DTWD2: variants seen among roughly 807,000 people sequenced by gnomAD.
DTWD2 encodes the protein tRNA-uridine aminocarboxypropyltransferase 2.
In DTWD2, 39 loss-of-function variants were observed where a neutral mutation model predicts 31.8. The ratio of observed to expected loss-of-function variants is 1.22; its 90% CI spans 0.95 to 1.60. DTWD2 has a LOEUF of 1.60. Ranked by LOEUF, DTWD2 falls within the 40% of genes most tolerant of loss-of-function variation. The probability of loss-of-function intolerance (pLI) is 0.00; values close to 1 mark genes in which losing one functional copy is unlikely to be tolerated. For missense variants in DTWD2, 515 were observed against 381.5 expected (o/e 1.35, Z -2.92); for synonymous variants, 180 against 142.8 (o/e 1.26, Z -1.86).
intron 4 of DTWD2, among the ~76,000 whole-genome samples, chr5:118,869,053 A>G (rs1277756507): frequency 6.6e-6 from 1 of 152,176 alleles, no homozygotes; most frequent in East Asian, 1.9e-4. Context: ...GAGCACAAAA[A>G]AAAGGAAAGT....
chr5:118,855,623 G>A (rs1366083336), intron 4 of DTWD2, among the ~76,000 whole-genome samples: 2 of 152,128 alleles, frequency 1.3e-5, no homozygotes, highest in African/African-American at 4.8e-5. Context: ...TGATTGGCAA[G>A]AATATCTTTA....
At chr5:118,855,983 C>A (rs1374683773) in intron 4 of DTWD2, among the ~76,000 whole-genome samples, 1 of 152,000 alleles carries the variant, frequency 6.6e-6, no homozygotes, top group African/African-American at 2.4e-5. Context: ...AACTGACATC[C>A]TTGAATCTTC....
chr5:118,903,951 A>C (rs530056499), intron 4 of DTWD2, among the ~76,000 whole-genome samples: 1 of 152,184 alleles, frequency 6.6e-6, no homozygotes, highest in Admixed American at 6.5e-5. Flanking sequence ...TGTCAAAAGG[A>C]TAGAGGATCT....
chr5:118,885,126 T>C (rs1317363439), intron 4 of DTWD2, among the ~76,000 whole-genome samples: 2 of 141,508 alleles, frequency 1.4e-5, no homozygotes, highest in Non-Finnish European at 1.5e-5. Context: ...CTCGGCAACA[T>C]AGGGAGATGA....
chr5:118,965,413 G>A (rs561801328), intron 1 of DTWD2, among the ~76,000 whole-genome samples: 9 of 152,240 alleles, frequency 5.9e-5, no homozygotes, highest in East Asian at 3.9e-4. Flanking sequence ...CCGCCACCCC[G>A]TCTGGGAGGT....
intron 4 of DTWD2, among the ~76,000 whole-genome samples, chr5:118,928,225 T>C (rs1487574672): frequency 3.9e-5 from 6 of 152,000 alleles, no homozygotes; most frequent in Non-Finnish European, 8.8e-5. Flanking sequence ...TTAATACATA[T>C]AAAAATAATC....
intron 1 of DTWD2, among the ~76,000 whole-genome samples, chr5:118,972,290 A>G (rs1304519440): frequency 6.6e-6 from 1 of 152,232 alleles, no homozygotes; most frequent in Non-Finnish European, 1.5e-5. Flanking sequence ...TAAGGGGGAT[A>G]TCACCACTGA....
At chr5:118,854,357 G>A (rs1259443936) in intron 4 of DTWD2, among the ~76,000 whole-genome samples, 1 of 151,680 alleles carries the variant, frequency 6.6e-6, no homozygotes, top group African/African-American at 2.4e-5. Context: ...AAAACCTTAT[G>A]TCAAAATATT....
At chr5:118,920,958 G>A (rs961712293) in intron 4 of DTWD2, among the ~76,000 whole-genome samples, 6 of 152,174 alleles carry the variant, frequency 3.9e-5, no homozygotes, top group African/African-American at 1.4e-4. Context: ...ATGGATGGAA[G>A]TAGGGAGGCA....
chr5:118,943,599 A>C (rs555243994), intron 2 of DTWD2, among the ~76,000 whole-genome samples: 2 of 151,874 alleles, frequency 1.3e-5, no homozygotes, highest in East Asian at 3.9e-4. Flanking sequence ...CAAATGGAGT[A>C]GTTAACAATT....
At chr5:118,904,999 G>C (rs949336210) in intron 4 of DTWD2, among the ~76,000 whole-genome samples, 3 of 152,060 alleles carry the variant, frequency 2.0e-5, no homozygotes, top group Non-Finnish European at 4.4e-5. Context: ...CCCTAACCAA[G>C]AAACTTCCAA....
intron 4 of DTWD2, among the ~76,000 whole-genome samples, chr5:118,897,031 A>G (rs1753098938): frequency 6.6e-6 from 1 of 152,224 alleles, no homozygotes; most frequent in Non-Finnish European, 1.5e-5. Context: ...CTTTAAGACA[A>G]CATTTTGTGG....
At chr5:118,876,852 A>G (rs906502025) in intron 4 of DTWD2, among the ~76,000 whole-genome samples, 7 of 152,196 alleles carry the variant, frequency 4.6e-5, no homozygotes, top group Admixed American at 2.0e-4. Context: ...ATTGAGGAGG[A>G]GGGACTCCTC....
intron 5 of DTWD2, 123 bp downstream of exon 5, chr5:118,847,967 A>G (rs1751898357): frequency 1.8e-6 from 2 of 1,118,642 alleles, no homozygotes; most frequent in South Asian, 5.0e-5. Context: ...AAGTACATAA[A>G]TTTCTAACAC....
In DTWD2 at chr5:118,948,724, G is replaced by A. The variant is rs901731387; in HGVS notation, c.219-4075C>T. Among the ~76,000 whole-genome samples, 13 of 152,288 alleles carry A rather than the reference G, an allele frequency of 8.5e-5. 1 individual carries two copies. Among genetic ancestry groups the A allele is most frequent in the Admixed American group, 7.8e-4 (12 of 15,290 alleles). ...GACCGCACAGCCCTGCACTTCGGCTGTGTGTAATGAAAAGGGTTGGGATTA... is the reference window on the plus strand; with the variant it reads ...GACCGCACAGCCCTGCACTTCGGCTATGTGTAATGAAAAGGGTTGGGATTA... On this transcript the variant is annotated intron_variant, in intron 1 of 5. Transcript: ENST00000510708.
intron 4 of DTWD2, among the ~76,000 whole-genome samples, chr5:118,850,656 G>C (rs1339684803): frequency 1.3e-5 from 2 of 151,918 alleles, no homozygotes; most frequent in Non-Finnish European, 2.9e-5. Context: ...AAAAGCAAGA[G>C]TTGGCAAGTG....
chr5:118,953,622 A>G (rs1209892388), intron 1 of DTWD2, among the ~76,000 whole-genome samples: 2 of 152,184 alleles, frequency 1.3e-5, no homozygotes, highest in Admixed American at 1.3e-4. Flanking sequence ...CTAAATTGGA[A>G]CCCTAGAAAC....
At chr5:118,984,187 G>GCTGAGC (rs1445744492) in intron 1 of DTWD2, among the ~76,000 whole-genome samples, 1 of 152,176 alleles carries the variant, frequency 6.6e-6, no homozygotes, top group Non-Finnish European at 1.5e-5. Flanking sequence ...TACTCAGGAG[G>GCTGAGC]CTGAGGCAGG....
At chr5:118,901,954 G>A (rs1429478628) in intron 4 of DTWD2, among the ~76,000 whole-genome samples, 1 of 151,984 alleles carries the variant, frequency 6.6e-6, no homozygotes, top group Non-Finnish European at 1.5e-5. Flanking sequence ...ATTAAATCAG[G>A]TGATTGACTA....
Sources: gnomAD v4.1 joint callset for allele counts (sites outside exome capture counted in the v4.1 genomes callset) on GRCh38, gnomAD v4.1.1 for gene constraint, MANE v1.5 for transcripts, NCBI Gene and HGNC (gene_info 2026-07-23, HGNC 2026-07-21) for gene names.